The following C2CD3 variants were observed in gnomAD, a reference collection of about 807,000 sequenced individuals.
C2CD3 encodes C2 domain-containing protein 3.
A neutral mutation model predicts 234.0 loss-of-function variants in C2CD3; 148 were observed. The ratio of observed to expected loss-of-function variants is 0.63; its 90% CI spans 0.55 to 0.72. The LOEUF (loss-of-function observed/expected upper bound fraction) is 0.72, where lower values mean the gene tolerates loss of function less well. Among genes scored for constraint, C2CD3 ranks in the 30% least tolerant of loss-of-function variants. The pLI is 0.00. For missense variants in C2CD3, 2,577 were observed against 2,811.5 expected, an observed-to-expected ratio of 0.92 and a Z score of 1.89; for synonymous variants, 1,000 against 1,035.4, an observed-to-expected ratio of 0.97 and a Z score of 0.66.
At chr11:74,108,997 G>T in intron 12 of C2CD3, 37 bp downstream of exon 12, 1 of 1,023,158 alleles carries the variant, frequency 9.8e-7, no homozygotes, top group Non-Finnish European at 1.5e-6. Flanking sequence ...AATCCCTAGT[G>T]TGAAGGTAAG....
intron 14 of C2CD3, among the ~76,000 whole-genome samples, chr11:74,102,351 G>C (rs965270724): frequency 2.0e-5 from 3 of 152,234 alleles, no homozygotes; most frequent in African/African-American, 7.2e-5. Flanking sequence ...TAGGTGCCAA[G>C]TGTAAACTGC....
At chr11:74,072,198 C>T (rs910297229) in intron 24 of C2CD3, among the ~76,000 whole-genome samples, 1 of 152,004 alleles carries the variant, frequency 6.6e-6, no homozygotes, top group South Asian at 2.1e-4. Flanking sequence ...TCACACTGCA[C>T]TTGAAGAAGA....
chr11:74,103,119 G>A lies in C2CD3; in HGVS notation c.2580+12C>T. ...TATATTCCTCTAATGGATATGGAATGTACAAAGTTACCTGAGAAAAGTTAA... is the reference window on the plus strand; with the variant it reads ...TATATTCCTCTAATGGATATGGAATATACAAAGTTACCTGAGAAAAGTTAA... On this transcript the variant is annotated intron_variant, in intron 14 of 32. Coordinates refer to ENST00000334126, the MANE Select transcript of C2CD3 (RefSeq NM_001286577.2). 3 of 1,603,022 alleles carry A rather than the reference G, an allele frequency of 1.9e-6. No homozygotes were observed. The highest frequency in any genetic ancestry group is 1.3e-5 in the African/African-American group (1 of 74,756).
chr11:74,032,435 C>T (rs994693800), intron 31 of C2CD3, among the ~76,000 whole-genome samples: 2 of 152,010 alleles, frequency 1.3e-5, no homozygotes, highest in Non-Finnish European at 2.9e-5. Context: ...GTTTCCTTTC[C>T]CCATAACATG....
intron 11 of C2CD3, among the ~76,000 whole-genome samples, chr11:74,111,290 C>T (rs1451774827): frequency 6.6e-6 from 1 of 152,070 alleles, no homozygotes; most frequent in Non-Finnish European, 1.5e-5. Flanking sequence ...CAGCCCTAAC[C>T]CCAAAACTCA....
chr11:74,118,291 G>C lies in C2CD3; in HGVS notation c.1457C>G (p.Ser486Ter). 1.2e-6 allele frequency: 2 copies of C among 1,613,606 alleles called. No homozygotes were observed. Among genetic ancestry groups the C allele is most frequent in the Non-Finnish European group, 1.7e-6 (2 of 1,179,588 alleles). Residue 486 changes from serine to a stop codon, truncating the protein, a stop_gained, in exon 9 of 33, where the codon TCA becomes TGA. Transcript: ENST00000334126. LOFTEE classifies it high-confidence loss of function. ...KISQSTALAR[S>*]SKVLESSDHK... ...ATCACTTGACTCCAGAACCTTAGAT[G>C]ATCTGGCAAGAGCTGTTGACTGGCT...
chr11:74,110,060 AAC>A (rs1162306792), intron 11 of C2CD3, among the ~76,000 whole-genome samples: 2 of 151,286 alleles, frequency 1.3e-5, no homozygotes, highest in Non-Finnish European at 2.9e-5. Context: ...CAGCCTAGGC[AAC>A]AGAGTGAGAC....
At chr11:74,100,426 T>G in intron 15 of C2CD3, 99 bp downstream of exon 15, 1 of 1,123,762 alleles carries the variant, frequency 8.9e-7, no homozygotes, top group Non-Finnish European at 1.3e-6. Context: ...CTTCAAGGGA[T>G]TACTGGGCTA....
intron 2 of C2CD3, 163 bp downstream of exon 2, chr11:74,168,181 C>T (rs1639059398): frequency 1.6e-6 from 1 of 617,560 alleles, no homozygotes; most frequent in Admixed American, 3.0e-5. Flanking sequence ...CACAGTAACA[C>T]TCAATAAATT....
chr11:74,015,325 C>T (rs1951840322), intron 32 of C2CD3, among the ~76,000 whole-genome samples: 1 of 152,228 alleles, frequency 6.6e-6, no homozygotes, highest in African/African-American at 2.4e-5. Flanking sequence ...TTCATTCATT[C>T]TAGAACCAGT....
chr11:74,098,259 G>C lies in C2CD3; in HGVS notation c.2733-4C>G, dbSNP rs760078537. 9 of 1,612,626 alleles carry C rather than the reference G, an allele frequency of 5.6e-6. No homozygotes were observed. The East Asian group carries it at 2.0e-4, about 36-fold the overall frequency. On this transcript the variant is annotated splice_region_variant and splice_polypyrimidine_tract_variant and intron_variant, in intron 15 of 32. Coordinates refer to ENST00000334126, the MANE Select transcript of C2CD3 (RefSeq NM_001286577.2). ...CAGGCGAGAAATCTTAGCATCTCTA[G>C]AGGGGGAGAAATTGTGAATAAGCAA... is the stretch of plus-strand genomic sequence containing the variant.
intron 3 of C2CD3, among the ~76,000 whole-genome samples, chr11:74,159,908 T>G (rs1480065275): frequency 6.6e-6 from 1 of 152,014 alleles, no homozygotes; most frequent in Non-Finnish European, 1.5e-5. Flanking sequence ...TAGGTATATA[T>G]CTTTTATCTT....
At chr11:74,013,928 G>A (rs1223270503) in intron 32 of C2CD3, among the ~76,000 whole-genome samples, 2 of 152,180 alleles carry the variant, frequency 1.3e-5, no homozygotes, top group African/African-American at 4.8e-5. Context: ...AGTCCCATGT[G>A]TGATGCTGGG....
intron 20 of C2CD3, among the ~76,000 whole-genome samples, chr11:74,089,853 C>T (rs577195210): frequency 4.6e-5 from 7 of 152,042 alleles, no homozygotes; most frequent in East Asian, 1.9e-4. Flanking sequence ...TCTGCCTACA[C>T]GTACAAAGAA....
chr11:74,059,840 C>T (rs1347799056), intron 24 of C2CD3, among the ~76,000 whole-genome samples: 1 of 152,052 alleles, frequency 6.6e-6, no homozygotes, highest in Non-Finnish European at 1.5e-5. Context: ...CCAGGAAGCA[C>T]AAGGGGTTGG....
chr11:74,117,147 T>C lies in C2CD3; in HGVS notation c.1520+1081A>G, dbSNP rs1255593061. ...ATATATGAATATATATATATGAATA[T>C]ATATATATGAATATATATATATGAA... On this transcript the variant is annotated intron_variant, in intron 9 of 32. Coordinates refer to ENST00000334126, the MANE Select transcript of C2CD3 (RefSeq NM_001286577.2). Among the ~76,000 whole-genome samples, 412 of 61,344 alleles carry C rather than the reference T, an allele frequency of 6.7e-3. 22 individuals carry two copies. The highest frequency in any genetic ancestry group is 8.4e-3 in the Non-Finnish European group (331 of 39,372). 40.2% of individuals were successfully genotyped at this position (61,344 alleles called of 152,430 possible). A position where few individuals can be genotyped will look rare whatever the true frequency, so the allele number is the denominator to read the frequency against.
chr11:74,130,803 T>C (rs962351422), intron 7 of C2CD3, among the ~76,000 whole-genome samples: 5 of 152,046 alleles, frequency 3.3e-5, no homozygotes, highest in Non-Finnish European at 7.4e-5. Flanking sequence ...TTTTTCAAGA[T>C]TGTTTTGGCT....
At chr11:74,117,296 T>C (rs544374719) in intron 9 of C2CD3, among the ~76,000 whole-genome samples, 2 of 123,104 alleles carry the variant, frequency 1.6e-5, no homozygotes, top group East Asian at 2.3e-4. Context: ...TGAGACCCCG[T>C]CTCAAAAAAA....
At chr11:74,130,789 CT>C (rs1232182097) in intron 7 of C2CD3, among the ~76,000 whole-genome samples, 1 of 151,724 alleles carries the variant, frequency 6.6e-6, no homozygotes, top group African/African-American at 2.4e-5. Context: ...GTCCTACTTT[CT>C]TTTTTTTCAA....
Sources: gnomAD v4.1 joint callset for allele counts (sites outside exome capture counted in the v4.1 genomes callset) on GRCh38, gnomAD v4.1.1 for gene constraint, MANE v1.5 for transcripts, NCBI Gene and HGNC (gene_info 2026-07-23, HGNC 2026-07-21) for gene names.